GALNT13: variants seen among roughly 807,000 people sequenced by gnomAD.
GALNT13 encodes the protein polypeptide N-acetylgalactosaminyltransferase 13.
A neutral mutation model predicts 64.2 loss-of-function variants in GALNT13; 28 were observed. That is an observed-to-expected ratio of 0.44 (90% CI 0.32 to 0.60). The LOEUF is 0.60. Ranked by LOEUF, GALNT13 falls within the 20% of genes least tolerant of loss-of-function variation. The pLI, the probability that GALNT13 is intolerant of heterozygous loss-of-function variation, is 0.05. For synonymous variants in GALNT13, 214 were observed against 224.6 expected (o/e 0.95, Z 0.42); for missense variants, 577 against 669.8 (o/e 0.86, Z 1.53).
In GALNT13 at chr2:153,900,940, A is replaced by AT. The variant is rs1161073355; in HGVS notation, c.-167dup. Reference sequence around the variant, plus strand: ...GGATTTTTTCTTCCTCCACAGATGCATTTTTGTAGAAGCATTTTGAGGATG... The same window carrying AT: ...GGATTTTTTCTTCCTCCACAGATGCATTTTTTGTAGAAGCATTTTGAGGATG... On this transcript the variant is annotated 5_prime_UTR_variant, in exon 2 of 13. An upstream open reading frame in the 5' UTR gains an earlier in-frame stop. Transcript: ENST00000392825. The AT allele has an allele frequency of 6.6e-6, 1 of 152,102 alleles. No homozygotes were observed. The highest frequency in any genetic ancestry group is 1.5e-5 in the Non-Finnish European group (1 of 68,008). 9.4% of individuals were successfully genotyped at this position (152,102 alleles called of 1,614,324 possible).
chr2:154,085,176 T>C (rs1481769118), intron 3 of GALNT13, among the ~76,000 whole-genome samples: 2 of 152,000 alleles, frequency 1.3e-5, no homozygotes, highest in Non-Finnish European at 1.5e-5. Context: ...AAAAACACTC[T>C]AATTGAAGAA....
intron 9 of GALNT13, among the ~76,000 whole-genome samples, chr2:154,355,588 T>C (rs1696694581): frequency 1.3e-5 from 2 of 152,014 alleles, no homozygotes; most frequent in African/African-American, 2.4e-5. Context: ...TAAAAGCTCA[T>C]TGTAGTGCTG....
At chr2:154,447,904 A>G (rs539851355) in intron 12 of GALNT13, among the ~76,000 whole-genome samples, 1 of 152,158 alleles carries the variant, frequency 6.6e-6, no homozygotes, top group African/African-American at 2.4e-5. Context: ...GCTTAGGCTT[A>G]ACTAAATATT....
intron 9 of GALNT13, among the ~76,000 whole-genome samples, chr2:154,381,285 T>A (rs932418518): frequency 5.3e-5 from 8 of 152,038 alleles, no homozygotes; most frequent in African/African-American, 1.9e-4. Context: ...GGAGGCACTT[T>A]CTGTAATGCT....
chr2:153,941,483 C>T (rs1476827864), intron 2 of GALNT13, among the ~76,000 whole-genome samples: 1 of 152,034 alleles, frequency 6.6e-6, no homozygotes, highest in Non-Finnish European at 1.5e-5. Context: ...GTTTGGCAAG[C>T]CAGGGATATT....
chr2:153,136,876 A>T, the GALNT13 span, among the ~76,000 whole-genome samples: 1 of 151,944 alleles, frequency 6.6e-6, no homozygotes, highest in South Asian at 2.1e-4. Flanking sequence ...ACACACACTT[A>T]CATCTGTGTT....
At chr2:153,438,297 A>T in the GALNT13 span, among the ~76,000 whole-genome samples, 1 of 151,948 alleles carries the variant, frequency 6.6e-6, no homozygotes, top group African/African-American at 2.4e-5. Context: ...TCTGATAATT[A>T]TGTGTCTTGG....
intron 3 of GALNT13, among the ~76,000 whole-genome samples, chr2:154,086,023 T>A (rs1307026952): frequency 6.6e-6 from 1 of 151,714 alleles, no homozygotes; most frequent in African/African-American, 2.4e-5. Flanking sequence ...TTGTTGCCCA[T>A]TGTCAGTAGG....
chr2:154,378,798 A>G (rs707042), intron 9 of GALNT13, among the ~76,000 whole-genome samples: 151,470 of 152,110 alleles, frequency 1, 75,419 homozygotes, highest in Middle Eastern at 1. Context: ...ATCGTACCCC[A>G]TAAGTATTTA....
chr2:153,752,135 A>G, the GALNT13 span, among the ~76,000 whole-genome samples: 3 of 151,844 alleles, frequency 2.0e-5, no homozygotes, highest in Non-Finnish European at 4.4e-5. Context: ...CCTTAACTTC[A>G]CCCTGCTTTT....
At chr2:153,908,693 G>T (rs929925084) in intron 2 of GALNT13, among the ~76,000 whole-genome samples, 3 of 152,066 alleles carry the variant, frequency 2.0e-5, no homozygotes, top group Non-Finnish European at 1.5e-5. Flanking sequence ...TGGAAGACCA[G>T]ATGGTTGTAG....
chr2:153,646,001 C>A, the GALNT13 span, among the ~76,000 whole-genome samples: 2 of 152,044 alleles, frequency 1.3e-5, no homozygotes, highest in Non-Finnish European at 2.9e-5. Context: ...TCTCACTTGA[C>A]CCCTGTTTTG....
chr2:154,379,033 G>C lies in GALNT13; in HGVS notation c.1157-16958G>C, dbSNP rs1038989636. On this transcript the variant is annotated intron_variant, in intron 9 of 12. Transcript: ENST00000392825. The stretch of plus-strand genomic sequence containing the variant: ...GTACGTAAAATGAAACCATAATAAC[G>C]GCAGTAATTTCAGAGGACATAGAAT... Among the ~76,000 whole-genome samples, 3 of 151,800 alleles carry C rather than the reference G, an allele frequency of 2.0e-5. No homozygotes were observed. In the East Asian group the frequency reaches 5.8e-4, roughly 29 times the overall value.
chr2:153,878,828 T>C (rs186363139), intron 1 of GALNT13, among the ~76,000 whole-genome samples: 25 of 152,364 alleles, frequency 1.6e-4, no homozygotes, highest in Non-Finnish European at 2.8e-4. Flanking sequence ...ACATCCCAGG[T>C]TGCTTTAGAT....
the GALNT13 span, among the ~76,000 whole-genome samples, chr2:153,777,024 T>A: frequency 1.3e-5 from 2 of 151,978 alleles, no homozygotes; most frequent in African/African-American, 4.8e-5. Context: ...GGAAGTGTTT[T>A]TCCTGTTTTT....
At chr2:153,260,174 A>G in the GALNT13 span, among the ~76,000 whole-genome samples, 1 of 152,304 alleles carries the variant, frequency 6.6e-6, no homozygotes, top group East Asian at 1.9e-4. Flanking sequence ...TATGTCTTGA[A>G]AAGTTACTGT....
chr2:153,125,485 G>T, the GALNT13 span, among the ~76,000 whole-genome samples: 1 of 152,168 alleles, frequency 6.6e-6, no homozygotes. Flanking sequence ...AGGCAGCTGT[G>T]GACCCTGATG....
At chr2:153,508,190 T>C in the GALNT13 span, among the ~76,000 whole-genome samples, 1 of 152,122 alleles carries the variant, frequency 6.6e-6, no homozygotes, top group Non-Finnish European at 1.5e-5. Context: ...CATCAGCTCT[T>C]ATAGGGAGGA....
chr2:153,326,697 T>G, the GALNT13 span, among the ~76,000 whole-genome samples: 3 of 152,206 alleles, frequency 2.0e-5, no homozygotes, highest in African/African-American at 4.8e-5. Flanking sequence ...ACAAAATCCC[T>G]CAGCATTTGC....
Sources: gnomAD v4.1 joint callset for allele counts (sites outside exome capture counted in the v4.1 genomes callset) on GRCh38, gnomAD v4.1.1 for gene constraint, MANE v1.5 for transcripts, NCBI Gene and HGNC (gene_info 2026-07-23, HGNC 2026-07-21) for gene names.